Variants in GTF2F2 observed in about 807,000 individuals in gnomAD.
The protein encoded by GTF2F2 is ATP-dependent helicase GTF2F2.
In GTF2F2, 23 loss-of-function variants were observed where a neutral mutation model predicts 42.2. That is an observed-to-expected ratio of 0.55 (90% CI 0.39 to 0.77). The LOEUF is 0.77. Among genes scored for constraint, GTF2F2 ranks in the 30% least tolerant of loss-of-function variants. GTF2F2 has a pLI of 0.00. For missense variants in GTF2F2, 261 were observed against 287.2 expected (o/e 0.91, Z 0.66); for synonymous variants, 105 against 100.8 (o/e 1.04, Z -0.25).
At chr13:45,247,495 C>T (rs1875688523) in intron 5 of GTF2F2, among the ~76,000 whole-genome samples, 1 of 151,864 alleles carries the variant, frequency 6.6e-6, no homozygotes, top group Non-Finnish European at 1.5e-5. Flanking sequence ...TGGCTTCAAG[C>T]AATTCTCCTG....
At chr13:45,148,019 G>A (rs1432180510) in intron 2 of GTF2F2, among the ~76,000 whole-genome samples, 1 of 152,098 alleles carries the variant, frequency 6.6e-6, no homozygotes, top group Non-Finnish European at 1.5e-5. Flanking sequence ...TCATTAAACT[G>A]GGACTTCCTT....
intron 2 of GTF2F2, among the ~76,000 whole-genome samples, chr13:45,145,946 C>G (rs928722841): frequency 1.3e-5 from 2 of 152,150 alleles, no homozygotes; most frequent in African/African-American, 4.8e-5. Flanking sequence ...AGGTTGTCCT[C>G]CTATATGTGG....
At chr13:45,225,357 T>G (rs1158291647) in intron 5 of GTF2F2, among the ~76,000 whole-genome samples, 1 of 150,606 alleles carries the variant, frequency 6.6e-6, no homozygotes, top group East Asian at 1.9e-4. Context: ...CTTATGACCC[T>G]CATGTTGAGA....
chr13:45,222,021 G>A (rs985068703), intron 5 of GTF2F2, among the ~76,000 whole-genome samples: 2 of 152,044 alleles, frequency 1.3e-5, no homozygotes, highest in Non-Finnish European at 2.9e-5. Context: ...CCACTGCTGG[G>A]TGAAATAGTA....
intron 5 of GTF2F2, among the ~76,000 whole-genome samples, chr13:45,213,117 C>T (rs1455216318): frequency 3.4e-5 from 5 of 147,152 alleles, no homozygotes; most frequent in Admixed American, 2.0e-4. Flanking sequence ...CTCGCTCTGT[C>T]GCCCAGGCTG....
intron 6 of GTF2F2, among the ~76,000 whole-genome samples, chr13:45,266,342 C>G (rs1056669994): frequency 6.6e-6 from 1 of 152,110 alleles, no homozygotes; most frequent in Non-Finnish European, 1.5e-5. Context: ...TATAATTACC[C>G]CTTTCTCTTG....
At chr13:45,220,665 G>A (rs1373644255) in intron 5 of GTF2F2, among the ~76,000 whole-genome samples, 1 of 152,108 alleles carries the variant, frequency 6.6e-6, no homozygotes, top group African/African-American at 2.4e-5. Flanking sequence ...GAGATGGACA[G>A]AAAAAGGAAT....
intron 4 of GTF2F2, among the ~76,000 whole-genome samples, chr13:45,182,445 G>A (rs1296403333): frequency 6.6e-6 from 1 of 152,066 alleles, no homozygotes; most frequent in Admixed American, 6.5e-5. Context: ...CTCTAAAATA[G>A]CGTTCAAGAT....
chr13:45,202,540 A>G (rs1481650309), intron 4 of GTF2F2, among the ~76,000 whole-genome samples: 1 of 152,238 alleles, frequency 6.6e-6, no homozygotes, highest in Non-Finnish European at 1.5e-5. Flanking sequence ...GAAGAATCCT[A>G]CAGCACATAT....
At chr13:45,252,085 G>A (rs10507534) in intron 5 of GTF2F2, among the ~76,000 whole-genome samples, 49,606 of 152,070 alleles carry the variant, frequency 0.33, 10,310 homozygotes, top group African/African-American at 0.59. Flanking sequence ...GTACTAGTCA[G>A]CTATTGTTTT....
rs759611821 is a variant in GTF2F2 at position 45,284,086 on chromosome 13, GGA to G, written c.*531_*532del. The G allele has an allele frequency of 6.6e-6, 1 of 152,166 alleles. No homozygotes were observed. The highest frequency in any genetic ancestry group is 1.5e-5 in the Non-Finnish European group (1 of 68,036). 9.4% of individuals were successfully genotyped at this position (152,166 alleles called of 1,614,324 possible). A position where few individuals can be genotyped will look rare whatever the true frequency, so the allele number is the denominator to read the frequency against. ...GTGTTCATACTCAACGTTAATAAAAGGAGAGAGTTTGTAGTGAAATGGCAGTG... is the reference window on the plus strand; with the variant it reads ...GTGTTCATACTCAACGTTAATAAAAGGAGAGTTTGTAGTGAAATGGCAGTG... On this transcript the variant is annotated 3_prime_UTR_variant, in exon 8 of 8. Coordinates refer to ENST00000340473, the MANE Select transcript of GTF2F2 (RefSeq NM_004128.3).
chr13:45,151,911 CTTTTT>C (rs773005628), intron 4 of GTF2F2, 80 bp downstream of exon 4: 813 of 141,376 alleles, frequency 5.8e-3, no homozygotes, highest in South Asian at 0.011. Flanking sequence ...CTCCTATTTG[CTTTTT>C]TTTTTTTTTT....
chr13:45,264,674 G>T lies in GTF2F2; in HGVS notation c.487-2559G>T, dbSNP rs140070891. Among the ~76,000 whole-genome samples the T allele has an allele frequency of 8.4e-4, 128 of 152,240 alleles. 1 individual carries two copies. In the East Asian group the frequency reaches 0.024, roughly 28 times the overall value. Reference sequence around the variant, plus strand: ...GACCCTTACTCTTATCCCTAGTGTTGATTTTAAAGTTCTTTTCTAATTTAT... The same window carrying T: ...GACCCTTACTCTTATCCCTAGTGTTTATTTTAAAGTTCTTTTCTAATTTAT... On this transcript the variant is annotated intron_variant, in intron 6 of 7. Transcript: ENST00000340473.
chr13:45,164,390 TA>T (rs1016512464), intron 4 of GTF2F2, among the ~76,000 whole-genome samples: 2 of 152,172 alleles, frequency 1.3e-5, no homozygotes, highest in African/African-American at 4.8e-5. Context: ...CCTATTTTTT[TA>T]AAAAGCAATA....
chr13:45,158,468 C>G (rs1870874241), intron 4 of GTF2F2, among the ~76,000 whole-genome samples: 2 of 152,172 alleles, frequency 1.3e-5, no homozygotes, highest in African/African-American at 2.4e-5. Flanking sequence ...CCACTTAATC[C>G]AAAGCAACCC....
chr13:45,241,708 A>G (rs1222307185), intron 5 of GTF2F2, among the ~76,000 whole-genome samples: 1 of 152,212 alleles, frequency 6.6e-6, no homozygotes, highest in Non-Finnish European at 1.5e-5. Flanking sequence ...CTGAATCTAA[A>G]TGTTAGCATA....
chr13:45,229,800 A>C (rs1347421388), intron 5 of GTF2F2, among the ~76,000 whole-genome samples: 1 of 152,138 alleles, frequency 6.6e-6, no homozygotes, highest in Non-Finnish European at 1.5e-5. Context: ...TACAGGTCAC[A>C]CCCTCCTCTT....
intron 4 of GTF2F2, among the ~76,000 whole-genome samples, chr13:45,205,925 G>A (rs939858022): frequency 2.6e-5 from 4 of 152,020 alleles, no homozygotes; most frequent in African/African-American, 9.7e-5. Flanking sequence ...TTGTTGTGAC[G>A]ACTAAAGAAT....
At chr13:45,156,889 G>T (rs1870783166) in intron 4 of GTF2F2, among the ~76,000 whole-genome samples, 1 of 152,116 alleles carries the variant, frequency 6.6e-6, no homozygotes, top group South Asian at 2.1e-4. Flanking sequence ...TTTGTGCCTG[G>T]TTTTTTCAGG....
Sources: gnomAD v4.1 joint callset for allele counts (sites outside exome capture counted in the v4.1 genomes callset) on GRCh38, gnomAD v4.1.1 for gene constraint, MANE v1.5 for transcripts, NCBI Gene and HGNC (gene_info 2026-07-23, HGNC 2026-07-21) for gene names.